INPP4A: variants seen among roughly 807,000 people sequenced by gnomAD.
INPP4A encodes inositol polyphosphate-4-phosphatase type I A, also known as inositol polyphosphate-4-phosphatase, type I, 107kD.
INPP4A carries 33 observed loss-of-function variants against 119.8 expected under a neutral mutation model. The observed-to-expected ratio is 0.28, with a 90% confidence interval of 0.21 to 0.37. The LOEUF is 0.37. Among genes scored for constraint, INPP4A ranks in the 10% least tolerant of loss-of-function variants. The pLI is 1.00. For synonymous variants in INPP4A, 496 were observed against 500.7 expected, an observed-to-expected ratio of 0.99 and a Z score of 0.12; for missense variants, 956 against 1,289.9, an observed-to-expected ratio of 0.74 and a Z score of 3.97.
chr2:98,523,964 C>T (rs1427794270), intron 4 of INPP4A, among the ~76,000 whole-genome samples: 1 of 152,052 alleles, frequency 6.6e-6, no homozygotes, highest in Non-Finnish European at 1.5e-5. Flanking sequence ...CATCCTAGTG[C>T]TCTTGACATT....
chr2:98,514,785 G>A lies in INPP4A; in HGVS notation c.-165-4179G>A, dbSNP rs150501888. On this transcript the variant is annotated intron_variant, in intron 1 of 24. Transcript: ENST00000409851. ...AAATTAGTAATTATCCAGATGTGGTGGCACACACGTGTGGTCCCAGCTACT... is the reference window on the plus strand; with the variant it reads ...AAATTAGTAATTATCCAGATGTGGTAGCACACACGTGTGGTCCCAGCTACT... 3.1e-3 allele frequency among the ~76,000 whole-genome samples: 465 copies of A among 152,260 alleles called. 1 individual carries two copies. Among genetic ancestry groups the A allele is most frequent in the African/African-American group, 9.8e-3 (407 of 41,542 alleles).
intron 13 of INPP4A, chr2:98,552,551 A>G: frequency 3.1e-6 from 2 of 654,298 alleles, no homozygotes; most frequent in South Asian, 3.0e-5. Context: ...ATACAGATAC[A>G]TGCAAATACA....
At chr2:98,514,093 T>C (rs1334008033) in intron 1 of INPP4A, among the ~76,000 whole-genome samples, 1 of 152,214 alleles carries the variant, frequency 6.6e-6, no homozygotes, top group Non-Finnish European at 1.5e-5. Context: ...GGTCACATTT[T>C]CTTTCTAGGT....
intron 10 of INPP4A, among the ~76,000 whole-genome samples, chr2:98,543,355 G>GC (rs1691865654): frequency 6.6e-6 from 1 of 152,242 alleles, no homozygotes; most frequent in Non-Finnish European, 1.5e-5. Flanking sequence ...AGGGCAGAAG[G>GC]CCCATACCTC....
intron 1 of INPP4A, among the ~76,000 whole-genome samples, chr2:98,497,652 C>G (rs1574751987): frequency 6.6e-6 from 1 of 152,032 alleles, no homozygotes; most frequent in Admixed American, 6.5e-5. Flanking sequence ...GACGTTAACC[C>G]CTTGTCTAAT....
intron 4 of INPP4A, among the ~76,000 whole-genome samples, chr2:98,527,237 A>T (rs1688353785): frequency 6.6e-6 from 1 of 152,170 alleles, no homozygotes. Flanking sequence ...TCCTACAAAA[A>T]AGCCCCTTTC....
chr2:98,494,978 A>C (rs1441269120), intron 1 of INPP4A, among the ~76,000 whole-genome samples: 1 of 152,148 alleles, frequency 6.6e-6, no homozygotes, highest in Admixed American at 6.5e-5. Flanking sequence ...ATGTGTGTTC[A>C]CTCAAGGCTG....
chr2:98,492,784 C>T (rs932213253), intron 1 of INPP4A, among the ~76,000 whole-genome samples: 1 of 152,202 alleles, frequency 6.6e-6, no homozygotes, highest in African/African-American at 2.4e-5. Flanking sequence ...GAAAACAGAG[C>T]CTAGCCAGGA....
intron 13 of INPP4A, among the ~76,000 whole-genome samples, chr2:98,550,573 G>A (rs747110292): frequency 2.6e-4 from 40 of 152,164 alleles, no homozygotes; most frequent in Non-Finnish European, 5.1e-4. Flanking sequence ...GCTATACCTA[G>A]GATACTGCCT....
At position 98,591,648 on chromosome 2, in the gene INPP4A, G is replaced by C. The variant is rs1276884735; in HGVS notation, c.*4040G>C. 6.6e-6 allele frequency: 1 copy of C among 152,176 alleles called. No individual in the cohort carries two copies. The highest frequency in any genetic ancestry group is 1.5e-5 in the Non-Finnish European group (1 of 68,054). 9.4% of individuals were successfully genotyped at this position (152,176 alleles called of 1,614,324 possible). ...TGAGTCTCTGCTTAGTAGATGACTT[G>C]GCACAATCTGGCTGCCCAGATCTAG... On this transcript the variant is annotated 3_prime_UTR_variant, in exon 25 of 25. Coordinates refer to ENST00000409851, the MANE Select transcript of INPP4A (RefSeq NM_001134225.2).
chr2:98,580,287 T>A (rs1699106945), intron 24 of INPP4A, among the ~76,000 whole-genome samples: 1 of 152,188 alleles, frequency 6.6e-6, no homozygotes, highest in Non-Finnish European at 1.5e-5. Flanking sequence ...GCACCCAGGC[T>A]TTTCTCCTGG....
At chr2:98,497,477 C>T (rs1360799381) in intron 1 of INPP4A, among the ~76,000 whole-genome samples, 1 of 152,218 alleles carries the variant, frequency 6.6e-6, no homozygotes, top group Admixed American at 6.5e-5. Flanking sequence ...GGAAAAGCCA[C>T]AGACACTCAA....
intron 11 of INPP4A, 120 bp from the exon 12 acceptor site, chr2:98,545,849 G>A: frequency 1.3e-5 from 9 of 668,754 alleles, no homozygotes; most frequent in Non-Finnish European, 2.0e-5. Context: ...AATCTTCTAG[G>A]CCACTGCCGA....
At chr2:98,479,987 C>T (rs764490005) in intron 1 of INPP4A, among the ~76,000 whole-genome samples, 78 of 152,340 alleles carry the variant, frequency 5.1e-4, no homozygotes, top group Non-Finnish European at 7.1e-4. Context: ...CCAAACAGCA[C>T]AGAATGGCAG....
In INPP4A at chr2:98,581,505, T is replaced by C; in HGVS notation, c.2786+4362T>C. 8 of 1,431,662 alleles carry C rather than the reference T, an allele frequency of 5.6e-6. No individual in the cohort carries two copies. The South Asian group carries it at 1.2e-4, about 21-fold the overall frequency. The allele number at this position is 1,431,662 out of a possible 1,614,324, so 88.7% of individuals were successfully genotyped here. ...TTTGATAAAATCCATCGCATGTGTC[T>C]TCTTTTTTTCTTTATTTTCTTTCCT... On this transcript the variant is annotated intron_variant, in intron 24 of 24. Transcript: ENST00000409851.
chr2:98,581,283 A>G, intron 24 of INPP4A, among the ~76,000 whole-genome samples: 1 of 152,094 alleles, frequency 6.6e-6, no homozygotes, highest in East Asian at 1.9e-4. Context: ...TTCAACCTAC[A>G]TGTGTTTATT....
At chr2:98,582,218 ATAACTGGCTTATCTAGAAAAACC>A (rs1286524088) in intron 24 of INPP4A, among the ~76,000 whole-genome samples, 1 of 152,276 alleles carries the variant, frequency 6.6e-6, no homozygotes, top group Admixed American at 6.5e-5. Flanking sequence ...AACATGCTTT[ATAACTGGCTTATCTAGAAAAACC>A]TATCTAATAG....
chr2:98,506,919 T>TG (rs1449630049), intron 1 of INPP4A, among the ~76,000 whole-genome samples: 1 of 152,274 alleles, frequency 6.6e-6, no homozygotes, highest in African/African-American at 2.4e-5. Context: ...AAGCTGCGTT[T>TG]GTTTCCTGAA....
At chr2:98,506,485 T>C (rs994552746) in intron 1 of INPP4A, among the ~76,000 whole-genome samples, 1 of 152,240 alleles carries the variant, frequency 6.6e-6, no homozygotes, top group African/African-American at 2.4e-5. Flanking sequence ...AGCTGTGTTG[T>C]TGTTGCTCAC....
Sources: allele counts gnomAD v4.1 joint callset (sites outside exome capture counted in the v4.1 genomes callset), GRCh38; gene constraint gnomAD v4.1.1; transcripts MANE v1.5; gene names NCBI Gene and HGNC (gene_info 2026-07-23, HGNC 2026-07-21).